The following CRTAP variants were observed in gnomAD, a reference collection of about 807,000 sequenced individuals.
CRTAP encodes the protein cartilage-associated protein.
Under a neutral mutation model 42.7 loss-of-function variants are expected in CRTAP, and 33 were observed. The ratio of observed to expected loss-of-function variants is 0.77; its 90% CI spans 0.59 to 1.03. The LOEUF is 1.03. Ranked by LOEUF, CRTAP falls within the 50% of genes least tolerant of loss-of-function variation. The probability of loss-of-function intolerance (pLI) is 0.00; values close to 1 mark genes in which losing one functional copy is unlikely to be tolerated. For synonymous variants in CRTAP, 243 were observed against 217.7 expected (o/e 1.12, Z -1.02); for missense variants, 613 against 533.9 (o/e 1.15, Z -1.46).
At position 33,114,225 on chromosome 3, in the gene CRTAP, C is replaced by T; in HGVS notation, c.148C>T (p.His50Tyr). Reference protein sequence around the residue: ...ELMPLESAYRHALDKYSGEHW... With the variant: ...ELMPLESAYRYALDKYSGEHW... The stretch of plus-strand genomic sequence containing the variant: ...GATGCCGCTCGAGTCGGCCTACCGG[C>T]ACGCGCTGGACAAGTACAGCGGCGA... Residue 50 changes from histidine (H) to tyrosine (Y), a missense_variant, in exon 1 of 7, where the codon CAC becomes TAC. Coordinates refer to ENST00000320954, the MANE Select transcript of CRTAP (RefSeq NM_006371.5). 6.3e-7 allele frequency: 1 copy of T among 1,592,530 alleles called. No individual in the cohort carries two copies.
At chr3:33,138,392 T>C (rs1339948000) in intron 6 of CRTAP, among the ~76,000 whole-genome samples, 1 of 152,174 alleles carries the variant, frequency 6.6e-6, no homozygotes, top group African/African-American at 2.4e-5. Context: ...GTCTTTCCAC[T>C]TATTTGGATT....
Position 33,130,011 on chromosome 3 carries a change from C to G in CRTAP, c.866C>G (p.Pro289Arg). The G allele has an allele frequency of 6.2e-7, 1 of 1,613,366 alleles. No individual in the cohort carries two copies. Among genetic ancestry groups the G allele is most frequent in the Non-Finnish European group, 8.5e-7 (1 of 1,179,386 alleles). ...CTCACCCCAGTTATAGGAGGCTATC[C>G]GGTTGAGAAATTTGTGGCTACCATG... is the stretch of plus-strand genomic sequence containing the variant. ...ENLTPVIGGY[P>R]VEKFVATMYH... Residue 289 changes from proline to arginine, a missense_variant, in exon 4 of 7, where the codon CCG (proline) becomes CGG (arginine). Physicochemically the swap from Pro to Arg is moderately radical, Grantham distance 103. Coordinates refer to ENST00000320954, the MANE Select transcript of CRTAP (RefSeq NM_006371.5).
rs573867257 is a variant in CRTAP at position 33,114,181 on chromosome 3, G to T, written c.104G>T (p.Ser35Ile). Reference protein sequence around the residue: ...RAQYERYSFRSFPRDELMPLE... With the variant: ...RAQYERYSFRIFPRDELMPLE... ...CAATACGAACGCTACAGCTTCCGCA[G>T]CTTCCCACGGGACGAGCTGATGCCG... The change falls in exon 1 of 7, where the codon AGC becomes ATC. Residue 35 changes from serine (S) to isoleucine (I), a missense_variant. Coordinates refer to ENST00000320954, the MANE Select transcript of CRTAP (RefSeq NM_006371.5). 1.3e-6 allele frequency: 2 copies of T among 1,592,540 alleles called. No homozygotes were observed. Among genetic ancestry groups the T allele is most frequent in the South Asian group, 2.2e-5 (2 of 89,542 alleles).
chr3:33,123,251 A>G (rs1404985632), intron 2 of CRTAP, among the ~76,000 whole-genome samples: 1 of 152,020 alleles, frequency 6.6e-6, no homozygotes, highest in Non-Finnish European at 1.5e-5. Flanking sequence ...ACACCTGCTG[A>G]TATGGTTTGG....
intron 1 of CRTAP, among the ~76,000 whole-genome samples, chr3:33,117,392 A>G (rs566444216): frequency 6.6e-6 from 1 of 152,290 alleles, no homozygotes; most frequent in South Asian, 2.1e-4. Flanking sequence ...CTTGTAGAAA[A>G]GGGCTGTGCT....
At chr3:33,123,184 G>T (rs2029938889) in intron 2 of CRTAP, among the ~76,000 whole-genome samples, 1 of 152,158 alleles carries the variant, frequency 6.6e-6, no homozygotes, top group Non-Finnish European at 1.5e-5. Context: ...AGTAACTAGT[G>T]CTGATGCATG....
chr3:33,142,432 TGGA>T lies in CRTAP; in HGVS notation c.1195_1197del (p.Glu399del), dbSNP rs760083738. 6.2e-7 allele frequency: 1 copy of T among 1,614,210 alleles called. No homozygotes were observed. The highest frequency in any genetic ancestry group is 1.1e-5 in the South Asian group (1 of 91,084). ...GAATATGTGGATGACCTCTTGGAAC[TGGA>T]GGAGACCAGCTAGCCCACAGCAACC... is the stretch of plus-strand genomic sequence containing the variant. On this transcript the variant is annotated inframe_deletion, in exon 7 of 7. Coordinates refer to ENST00000320954, the MANE Select transcript of CRTAP (RefSeq NM_006371.5).
At chr3:33,121,256 A>G (rs59280666) in intron 2 of CRTAP, among the ~76,000 whole-genome samples, 18,401 of 152,078 alleles carry the variant, frequency 0.12, 1,704 homozygotes, top group East Asian at 0.55. Context: ...TAAAAATACA[A>G]AAATTAGCTG....
chr3:33,138,384 C>A (rs2030482113), intron 6 of CRTAP, among the ~76,000 whole-genome samples: 1 of 152,190 alleles, frequency 6.6e-6, no homozygotes, highest in African/African-American at 2.4e-5. Flanking sequence ...CATGAGAAGT[C>A]TTTCCACTTA....
At chr3:33,125,559 A>T (rs1465711902) in intron 3 of CRTAP, among the ~76,000 whole-genome samples, 1 of 146,620 alleles carries the variant, frequency 6.8e-6, no homozygotes. Flanking sequence ...AAACATACAC[A>T]AAAAACAGAG....
chr3:33,131,253 G>T (rs1402914319), intron 4 of CRTAP, among the ~76,000 whole-genome samples: 2 of 140,442 alleles, frequency 1.4e-5, no homozygotes, highest in African/African-American at 5.3e-5. Context: ...TGGTAATTGT[G>T]TTTTTTTTTT....
intron 4 of CRTAP, among the ~76,000 whole-genome samples, chr3:33,132,028 G>C (rs996897032): frequency 3.3e-5 from 5 of 151,968 alleles, no homozygotes; most frequent in African/African-American, 1.2e-4. Flanking sequence ...GGAGGTGGGA[G>C]TTCCAACCTC....
At chr3:33,117,889 G>C (rs1036650094) in intron 1 of CRTAP, among the ~76,000 whole-genome samples, 8 of 152,174 alleles carry the variant, frequency 5.3e-5, no homozygotes, top group African/African-American at 1.7e-4. Flanking sequence ...AAGAGATTCC[G>C]TTTTGTAAAA....
At chr3:33,120,217 C>T (rs1475763245) in intron 1 of CRTAP, 127 bp from the exon 2 acceptor site, 1 of 875,338 alleles carries the variant, frequency 1.1e-6, no homozygotes, top group Non-Finnish European at 1.9e-6. Context: ...CCCTGGAAGT[C>T]ATGGAACCTT....
At chr3:33,120,225 C>A in intron 1 of CRTAP, 119 bp from the exon 2 acceptor site, 2 of 937,070 alleles carry the variant, frequency 2.1e-6, no homozygotes, top group South Asian at 1.3e-5. Flanking sequence ...GTCATGGAAC[C>A]TTTAGCTGGA....
chr3:33,127,716 A>C (rs944567266), intron 3 of CRTAP, among the ~76,000 whole-genome samples: 1 of 150,596 alleles, frequency 6.6e-6, no homozygotes, highest in African/African-American at 2.4e-5. Context: ...CCAAAGTGCT[A>C]GGAGTACAGG....
At chr3:33,118,184 C>T (rs550352352) in intron 1 of CRTAP, among the ~76,000 whole-genome samples, 1 of 151,830 alleles carries the variant, frequency 6.6e-6, no homozygotes, top group African/African-American at 2.4e-5. Context: ...TGATCTTGGA[C>T]TCCTGACCTC....
At position 33,114,561 on chromosome 3, in the gene CRTAP, CGCCCCGTCCCAG is replaced by C; in HGVS notation, c.471+20_471+31del. On this transcript the variant is annotated intron_variant, in intron 1 of 6. Coordinates refer to ENST00000320954, the MANE Select transcript of CRTAP (RefSeq NM_006371.5). ...CGCTTACTTCAAGGCAAGTCCGCCTCGCCCCGTCCCAGGCCCCGGCCCCGCCCCTGACCCAGC... is the reference window on the plus strand; with the variant it reads ...CGCTTACTTCAAGGCAAGTCCGCCTCGCCCCGGCCCCGCCCCTGACCCAGC... 1.9e-6 allele frequency: 3 copies of C among 1,564,156 alleles called. No homozygotes were observed. The highest frequency in any genetic ancestry group is 2.3e-5 in the East Asian group (1 of 42,610).
At chr3:33,133,286 T>C (rs1210087709) in intron 5 of CRTAP, among the ~76,000 whole-genome samples, 1 of 148,460 alleles carries the variant, frequency 6.7e-6, no homozygotes, top group Non-Finnish European at 1.5e-5. Context: ...TGAGACAGAG[T>C]CTTGCTCTGT....
Sources: allele counts gnomAD v4.1 joint callset (sites outside exome capture counted in the v4.1 genomes callset), GRCh38; gene constraint gnomAD v4.1.1; transcripts MANE v1.5; gene names NCBI Gene and HGNC (gene_info 2026-07-23, HGNC 2026-07-21).